Variants in NDST4 observed in about 807,000 individuals in gnomAD.
NDST4 encodes N-heparan sulfate sulfotransferase 4.
A neutral mutation model predicts 100.8 loss-of-function variants in NDST4; 63 were observed. The observed-to-expected ratio is 0.62, with a 90% CI of 0.51 to 0.77. The LOEUF (loss-of-function observed/expected upper bound fraction) is 0.77. NDST4 is among the 30% of genes least tolerant of loss of function. The pLI is 0.00. For synonymous variants in NDST4, 377 were observed against 361.8 expected, an observed-to-expected ratio of 1.04 and a Z score of -0.48; for missense variants, 943 against 1,018.4, an observed-to-expected ratio of 0.93 and a Z score of 1.01.
At chr4:115,071,815 A>G (rs1204195343) in intron 2 of NDST4, among the ~76,000 whole-genome samples, 1 of 152,066 alleles carries the variant, frequency 6.6e-6, no homozygotes, top group Non-Finnish European at 1.5e-5. Flanking sequence ...TTCCCACAAA[A>G]TTATATTTGT....
intron 2 of NDST4, among the ~76,000 whole-genome samples, chr4:115,055,111 G>A (rs375261424): frequency 2.6e-5 from 4 of 152,170 alleles, no homozygotes; most frequent in Admixed American, 6.6e-5. Context: ...CTGTATATGC[G>A]AAGAATCTAG....
intron 2 of NDST4, among the ~76,000 whole-genome samples, chr4:114,996,654 C>T (rs1017785934): frequency 1.3e-5 from 2 of 151,958 alleles, no homozygotes; most frequent in Middle Eastern, 3.4e-3. Flanking sequence ...AATGGTCAGC[C>T]AAAAATCAAA....
At chr4:115,070,771 C>T (rs1729058512) in intron 2 of NDST4, among the ~76,000 whole-genome samples, 2 of 152,022 alleles carry the variant, frequency 1.3e-5, no homozygotes, top group Admixed American at 6.6e-5. Flanking sequence ...CCAATTATAT[C>T]TAAGTATTAG....
At chr4:114,858,557 T>C (rs1250903915) in intron 7 of NDST4, among the ~76,000 whole-genome samples, 1 of 152,192 alleles carries the variant, frequency 6.6e-6, no homozygotes, top group Non-Finnish European at 1.5e-5. Flanking sequence ...AGATATAGTG[T>C]ACGCATTAAA....
chr4:114,858,534 G>A, intron 7 of NDST4, among the ~76,000 whole-genome samples: 1 of 152,128 alleles, frequency 6.6e-6, no homozygotes, highest in Middle Eastern at 3.2e-3. Flanking sequence ...ATACAGTTGA[G>A]GTACCAGCTT....
At chr4:114,933,432 C>CTTTTTTTTTTTTTTTTTTCTT (rs1553955185) in intron 6 of NDST4, among the ~76,000 whole-genome samples, 1 of 89,278 alleles carries the variant, frequency 1.1e-5, no homozygotes, top group Non-Finnish European at 2.1e-5. Context: ...TTTTCTTTTC[C>CTTTTTTTTTTTTTTTTTTCTT]TTTTTTTTTT....
intron 2 of NDST4, among the ~76,000 whole-genome samples, chr4:114,982,128 C>T (rs1405836561): frequency 6.6e-6 from 1 of 152,096 alleles, no homozygotes; most frequent in Admixed American, 6.5e-5. Context: ...TGAACTAATA[C>T]AGAAAATTGG....
chr4:114,977,618 G>A (rs1726668031), intron 2 of NDST4, among the ~76,000 whole-genome samples: 1 of 151,892 alleles, frequency 6.6e-6, no homozygotes, highest in South Asian at 2.1e-4. Flanking sequence ...AAATTTTTCA[G>A]AATTGTTGAA....
At chr4:114,859,820 C>G (rs1723879425) in intron 7 of NDST4, among the ~76,000 whole-genome samples, 2 of 152,170 alleles carry the variant, frequency 1.3e-5, no homozygotes, top group African/African-American at 4.8e-5. Context: ...CTTGTCAGCT[C>G]TTTTCCCGTC....
At chr4:115,015,217 A>C (rs1282102171) in intron 2 of NDST4, among the ~76,000 whole-genome samples, 1 of 152,060 alleles carries the variant, frequency 6.6e-6, no homozygotes, top group Non-Finnish European at 1.5e-5. Flanking sequence ...CCCAACCTGC[A>C]CCTATGGCCT....
At chr4:114,846,547 A>C (rs778760026) in intron 9 of NDST4, among the ~76,000 whole-genome samples, 60 of 152,240 alleles carry the variant, frequency 3.9e-4, no homozygotes, top group Non-Finnish European at 7.2e-4. Context: ...TTTATAGTCT[A>C]TCTAGAGTAA....
chr4:115,042,237 C>T (rs1344261537), intron 2 of NDST4, among the ~76,000 whole-genome samples: 4 of 152,090 alleles, frequency 2.6e-5, no homozygotes, highest in African/African-American at 9.7e-5. Context: ...TCCCTTTGTC[C>T]AGTGTATCTA....
chr4:115,027,486 C>T (rs1475922245), intron 2 of NDST4, among the ~76,000 whole-genome samples: 2 of 152,082 alleles, frequency 1.3e-5, no homozygotes, highest in Non-Finnish European at 2.9e-5. Flanking sequence ...TACATCCTAC[C>T]TTCTCCTTAG....
At chr4:114,929,101 C>CTTCT in intron 6 of NDST4, among the ~76,000 whole-genome samples, 1 of 129,754 alleles carries the variant, frequency 7.7e-6, no homozygotes, top group East Asian at 2.5e-4. Flanking sequence ...TCCATCCATC[C>CTTCT]ATCCATCCAT....
chr4:115,056,376 G>A (rs926492197), intron 2 of NDST4, among the ~76,000 whole-genome samples: 3 of 152,076 alleles, frequency 2.0e-5, no homozygotes, highest in African/African-American at 7.2e-5. Context: ...ATAATATAAA[G>A]AGTAAAACAC....
At chr4:114,947,480 G>A (rs1192169384) in intron 4 of NDST4, among the ~76,000 whole-genome samples, 4 of 152,070 alleles carry the variant, frequency 2.6e-5, no homozygotes, top group Admixed American at 2.6e-4. Context: ...ATAGAGAGAT[G>A]TTTTTATATT....
chr4:115,080,722 G>A (rs2126291353), intron 1 of NDST4, among the ~76,000 whole-genome samples: 1 of 150,302 alleles, frequency 6.7e-6, no homozygotes. Flanking sequence ...TAATGAAAGT[G>A]AAAGATATTT....
chr4:114,902,795 T>G (rs905597920), intron 6 of NDST4, among the ~76,000 whole-genome samples: 3 of 151,994 alleles, frequency 2.0e-5, no homozygotes, highest in African/African-American at 4.8e-5. Flanking sequence ...GTTTTGAAGA[T>G]TTTACTGAGA....
intron 6 of NDST4, among the ~76,000 whole-genome samples, chr4:114,893,648 T>C (rs2126207175): frequency 6.6e-6 from 1 of 152,276 alleles, no homozygotes; most frequent in Non-Finnish European, 1.5e-5. Context: ...TAGACCTCTG[T>C]CATATGGGTA....
Sources: gnomAD v4.1 joint callset for allele counts (sites outside exome capture counted in the v4.1 genomes callset) on GRCh38, gnomAD v4.1.1 for gene constraint, MANE v1.5 for transcripts, NCBI Gene and HGNC (gene_info 2026-07-23, HGNC 2026-07-21) for gene names.